NRIP1: variants seen among roughly 807,000 people sequenced by gnomAD.
NRIP1 encodes the protein nuclear receptor interacting protein 1.
NRIP1 carries 28 observed loss-of-function variants against 75.0 expected under a neutral mutation model. The ratio of observed to expected loss-of-function variants is 0.37; its 90% CI spans 0.28 to 0.51. NRIP1 has a LOEUF of 0.51. Ranked by LOEUF, NRIP1 falls within the 20% of genes least tolerant of loss-of-function variation. The pLI, the probability that NRIP1 is intolerant of heterozygous loss-of-function variation, is 0.92. For missense variants in NRIP1, 1,435 were observed against 1,343.7 expected (o/e 1.07, Z -1.06); for synonymous variants, 526 against 487.6 (o/e 1.08, Z -1.04).
rs966748013 is a variant in NRIP1 at position 15,064,784 on chromosome 21, C to T, written c.-577G>A. 5.4e-5 allele frequency: 8 copies of T among 148,468 alleles called. No homozygotes were observed. Among genetic ancestry groups the T allele is most frequent in the Non-Finnish European group, 1.1e-4 (7 of 66,646 alleles). The allele number at this position is 148,468 out of a possible 1,614,324, so 9.2% of individuals were successfully genotyped here. A position where few individuals can be genotyped will look rare whatever the true frequency, so the allele number is the denominator to read the frequency against. On this transcript the variant is annotated 5_prime_UTR_variant, in exon 1 of 4. Coordinates refer to ENST00000318948, the MANE Select transcript of NRIP1 (RefSeq NM_003489.4). ...GCTCCCAGCCTCCGGCTCCGTCAGG[C>T]TCGGTCCGCGAAGGCGCCTGCCGCC...
In NRIP1 at chr21:14,975,687, G is replaced by A. The variant is rs929774524; in HGVS notation, c.-334-7161C>T. 9.6e-5 allele frequency among the ~76,000 whole-genome samples: 11 copies of A among 114,618 alleles called. No individual in the cohort carries two copies. The East Asian group carries it at 1.3e-3, about 13-fold the overall frequency. The allele number at this position is 114,618 out of a possible 152,430, so 75.2% of individuals were successfully genotyped here. On this transcript the variant is annotated intron_variant, in intron 3 of 3. Coordinates refer to ENST00000318948, the MANE Select transcript of NRIP1 (RefSeq NM_003489.4). ...AGAGAGAGAGAAAGAAAGAAAGGGA[G>A]GGGAGGGGAGGAATAGAATGACGGT... is the stretch of plus-strand genomic sequence containing the variant.
intron 3 of NRIP1, among the ~76,000 whole-genome samples, chr21:14,970,319 G>C (rs1222433340): frequency 3.3e-5 from 5 of 152,154 alleles, no homozygotes; most frequent in Non-Finnish European, 7.4e-5. Flanking sequence ...GCCGAGGTGG[G>C]TGGATCGCCT....
chr21:14,967,014 C>A lies in NRIP1; in HGVS notation c.1179G>T (p.Met393Ile), dbSNP rs377732400. Reference sequence around the variant, plus strand: ...CTCTCTCACTGTGACTGTGTCCATTCATTGGCTTAGGTATAGTCTGGCTTT... The same window carrying A: ...CTCTCTCACTGTGACTGTGTCCATTAATTGGCTTAGGTATAGTCTGGCTTT... ...LLKSQTIPKP[M>I]NGHSHSERGS... Residue 393 changes from methionine to isoleucine, a missense_variant, in exon 4 of 4, where the codon ATG (methionine) becomes ATT (isoleucine). Met to Ile is a conservative substitution (Grantham distance 10). Coordinates refer to ENST00000318948, the MANE Select transcript of NRIP1 (RefSeq NM_003489.4). The A allele has an allele frequency of 2.5e-6, 4 of 1,614,150 alleles. No homozygotes were observed. In the South Asian group the frequency reaches 4.4e-5, roughly 18 times the overall value.
chr21:14,989,900 T>A (rs532572126), intron 3 of NRIP1, among the ~76,000 whole-genome samples: 46 of 152,102 alleles, frequency 3.0e-4, no homozygotes, highest in Non-Finnish European at 5.9e-4. Flanking sequence ...AAACAAAAAC[T>A]TGTCATTTTC....
chr21:15,063,717 C>T (rs1978544516), intron 1 of NRIP1, among the ~76,000 whole-genome samples: 1 of 152,192 alleles, frequency 6.6e-6, no homozygotes, highest in African/African-American at 2.4e-5. Flanking sequence ...TCAGTTCCAC[C>T]AACTGGGTTT....
chr21:15,053,062 ATT>A (rs1438263093), intron 1 of NRIP1, among the ~76,000 whole-genome samples: 1 of 152,240 alleles, frequency 6.6e-6, no homozygotes, highest in African/African-American at 2.4e-5. Flanking sequence ...ATTAACAAAT[ATT>A]GTCAGCTTTT....
intron 2 of NRIP1, among the ~76,000 whole-genome samples, chr21:15,033,871 T>C (rs1025200740): frequency 6.6e-6 from 1 of 152,198 alleles, no homozygotes; most frequent in Non-Finnish European, 1.5e-5. Context: ...GTGAGATCAA[T>C]TGCCTTGGTC....
At chr21:15,026,080 A>G (rs1341276639) in intron 2 of NRIP1, among the ~76,000 whole-genome samples, 2 of 152,236 alleles carry the variant, frequency 1.3e-5, no homozygotes, top group African/African-American at 4.8e-5. Flanking sequence ...TGGGAAACAC[A>G]CACTTGTTTA....
At position 14,965,549 on chromosome 21, in the gene NRIP1, T is replaced by C. The variant is rs2086710297; in HGVS notation, c.2644A>G (p.Asn882Asp). The C allele has an allele frequency of 3.1e-6, 5 of 1,614,118 alleles. No individual in the cohort carries two copies. The highest frequency in any genetic ancestry group is 2.7e-5 in the African/African-American group (2 of 75,050). Residue 882 changes from asparagine (N) to aspartate (D), a missense_variant, in exon 4 of 4, where the codon AAC becomes GAC. Coordinates refer to ENST00000318948, the MANE Select transcript of NRIP1 (RefSeq NM_003489.4). ...KMKNNIVDAA[N>D]NHSAPEVLYG... ...AGTACTTCTGGGGCACTGTGATTGT[T>C]TGCAGCATCAACAATGTTGTTTTTC...
At chr21:15,026,848 A>T (rs569534527) in intron 2 of NRIP1, among the ~76,000 whole-genome samples, 1 of 152,190 alleles carries the variant, frequency 6.6e-6, no homozygotes, top group Non-Finnish European at 1.5e-5. Flanking sequence ...AAGTTGAAAA[A>T]ACAAGTCTCA....
intron 3 of NRIP1, among the ~76,000 whole-genome samples, chr21:14,983,203 T>C (rs952408255): frequency 1.3e-5 from 2 of 150,998 alleles, no homozygotes; most frequent in East Asian, 2.0e-4. Context: ...GTTAACCAAA[T>C]TGCAAATACA....
intron 2 of NRIP1, among the ~76,000 whole-genome samples, chr21:15,039,388 T>C (rs1315587824): frequency 6.6e-6 from 1 of 152,116 alleles, no homozygotes; most frequent in Non-Finnish European, 1.5e-5. Context: ...TAAGTTTCCA[T>C]ATTGACTGTT....
intron 3 of NRIP1, among the ~76,000 whole-genome samples, chr21:14,975,401 GTTTTA>G (rs1273187019): frequency 3.3e-5 from 5 of 152,208 alleles, no homozygotes; most frequent in Admixed American, 6.5e-5. Flanking sequence ...GTCTCCAGAT[GTTTTA>G]TTTTTATTTT....
intron 3 of NRIP1, among the ~76,000 whole-genome samples, chr21:14,988,450 TAGATAGACAGAC>T (rs1568960547): frequency 6.8e-6 from 1 of 146,462 alleles, no homozygotes; most frequent in Non-Finnish European, 1.5e-5. Context: ...GATAGATAGA[TAGATAGACAGAC>T]AGATAGATAG....
At chr21:15,024,118 T>C (rs1267097806) in intron 2 of NRIP1, among the ~76,000 whole-genome samples, 2 of 152,362 alleles carry the variant, frequency 1.3e-5, no homozygotes, top group African/African-American at 4.8e-5. Flanking sequence ...AAACGTTTCC[T>C]TAAGACACAG....
chr21:15,059,793 C>T (rs2089385258), intron 1 of NRIP1, among the ~76,000 whole-genome samples: 1 of 152,022 alleles, frequency 6.6e-6, no homozygotes, highest in Non-Finnish European at 1.5e-5. Flanking sequence ...AGAGTGTTTT[C>T]TTCCTCTATT....
intron 3 of NRIP1, among the ~76,000 whole-genome samples, chr21:14,976,639 A>G (rs1324403939): frequency 6.6e-6 from 1 of 152,190 alleles, no homozygotes; most frequent in Non-Finnish European, 1.5e-5. Flanking sequence ...GGTTTATTAA[A>G]CAAAGGGAAA....
At chr21:14,977,228 T>A (rs1326750010) in intron 3 of NRIP1, among the ~76,000 whole-genome samples, 1 of 152,130 alleles carries the variant, frequency 6.6e-6, no homozygotes. Context: ...AATATCTAAG[T>A]ACATACTAAG....
intron 1 of NRIP1, among the ~76,000 whole-genome samples, chr21:15,058,994 A>G (rs2089365377): frequency 6.6e-6 from 1 of 152,234 alleles, no homozygotes; most frequent in East Asian, 1.9e-4. Flanking sequence ...GTTGTGCTCA[A>G]TCCTTTAGCA....
Sources: allele counts gnomAD v4.1 joint callset (sites outside exome capture counted in the v4.1 genomes callset), GRCh38; gene constraint gnomAD v4.1.1; transcripts MANE v1.5; gene names NCBI Gene and HGNC (gene_info 2026-07-23, HGNC 2026-07-21).